The following GKAP1 variants were observed in gnomAD, a reference collection of about 807,000 sequenced individuals.
The protein encoded by GKAP1 is G kinase anchoring protein 1.
Under a neutral mutation model 56.7 loss-of-function variants are expected in GKAP1, and 31 were observed. The ratio of observed to expected loss-of-function variants is 0.55; its 90% CI spans 0.41 to 0.74. The LOEUF (loss-of-function observed/expected upper bound fraction) is 0.74. GKAP1 is among the 30% of genes least tolerant of loss of function. The pLI is 0.00. For synonymous variants in GKAP1, 151 were observed against 138.6 expected (o/e 1.09, Z -0.63); for missense variants, 364 against 402.3 (o/e 0.90, Z 0.82).
Position 83,770,736 on chromosome 9 carries a change from T to A in GKAP1, c.586-1766A>T, listed in dbSNP as rs141359251. Among the ~76,000 whole-genome samples the A allele has an allele frequency of 5.3e-4, 81 of 152,196 alleles. No individual in the cohort carries two copies. The East Asian group carries it at 0.015, about 28-fold the overall frequency. On this transcript the variant is annotated intron_variant, in intron 7 of 12. Transcript: ENST00000376371. Reference sequence around the variant, plus strand: ...GCCACCACGCCCAGGTAATTTAGTATTTTAGTAGAGACAGGGTTTCACCAT... The same window carrying A: ...GCCACCACGCCCAGGTAATTTAGTAATTTAGTAGAGACAGGGTTTCACCAT...
chr9:83,813,972 T>C lies in GKAP1; in HGVS notation c.-44+3024A>G, dbSNP rs375686068. Among the ~76,000 whole-genome samples, 305 of 152,208 alleles carry C rather than the reference T, an allele frequency of 2.0e-3. 1 individual carries two copies. Among genetic ancestry groups the C allele is most frequent in the Non-Finnish European group, 2.5e-3 (170 of 67,996 alleles). On this transcript the variant is annotated intron_variant, in intron 2 of 12. Coordinates refer to ENST00000376371, the MANE Select transcript of GKAP1 (RefSeq NM_025211.4). ...AACAGTTAGCAGGCATAGTGGTGCA[T>C]GACTGTGGTCCCAGCTACTTGGGAG...
chr9:83,760,680 A>G (rs1442355462), intron 8 of GKAP1, among the ~76,000 whole-genome samples: 1 of 152,188 alleles, frequency 6.6e-6, no homozygotes, highest in Admixed American at 6.5e-5. Flanking sequence ...TTCTGACCAC[A>G]ATGAAATAAA....
chr9:83,816,794 G>C (rs1049181336), intron 2 of GKAP1, among the ~76,000 whole-genome samples: 19 of 152,174 alleles, frequency 1.2e-4, no homozygotes, highest in African/African-American at 4.6e-4. Flanking sequence ...GAGTGAAAAA[G>C]AGGAGGAAGA....
intron 3 of GKAP1, among the ~76,000 whole-genome samples, chr9:83,801,790 A>G (rs1354139349): frequency 6.6e-6 from 1 of 152,226 alleles, no homozygotes; most frequent in Non-Finnish European, 1.5e-5. Context: ...TAATTCCTAA[A>G]AGAAAATAGT....
chr9:83,798,745 G>T (rs1423455860), intron 4 of GKAP1, among the ~76,000 whole-genome samples: 2 of 151,962 alleles, frequency 1.3e-5, no homozygotes, highest in Non-Finnish European at 2.9e-5. Flanking sequence ...CAAACTCCTA[G>T]GCTCAAGCCA....
At chr9:83,746,717 A>G (rs977124330) in intron 10 of GKAP1, among the ~76,000 whole-genome samples, 4 of 104,556 alleles carry the variant, frequency 3.8e-5, no homozygotes, top group East Asian at 5.9e-4. Context: ...ATAAATAAAT[A>G]ACAATTTAAA....
chr9:83,771,477 T>G (rs1261538733), intron 7 of GKAP1, among the ~76,000 whole-genome samples: 1 of 152,204 alleles, frequency 6.6e-6, no homozygotes, highest in African/African-American at 2.4e-5. Context: ...CACATTATCT[T>G]AGAAAGTAAA....
chr9:83,815,177 A>G (rs1465610666), intron 2 of GKAP1, among the ~76,000 whole-genome samples: 13 of 152,176 alleles, frequency 8.5e-5, no homozygotes, highest in Non-Finnish European at 4.4e-5. Flanking sequence ...TCTCAAAAAA[A>G]TGAAAAACTA....
chr9:83,758,162 C>T (rs563966357), intron 8 of GKAP1, among the ~76,000 whole-genome samples: 98 of 152,272 alleles, frequency 6.4e-4, no homozygotes, highest in African/African-American at 2.3e-3. Context: ...CCAAGAGCAA[C>T]ACAGAGGCTT....
chr9:83,761,583 T>C (rs570817702), intron 8 of GKAP1, among the ~76,000 whole-genome samples: 2 of 151,432 alleles, frequency 1.3e-5, no homozygotes, highest in South Asian at 4.2e-4. Context: ...ATTACCCTGA[T>C]ACCAAAACCG....
intron 7 of GKAP1, 110 bp downstream of exon 7, chr9:83,780,272 T>C (rs986872860): frequency 1.0e-5 from 7 of 668,368 alleles, no homozygotes; most frequent in Non-Finnish European, 1.3e-5. Context: ...GACAAACCTA[T>C]GGGTTGTCCT....
At chr9:83,773,578 A>T (rs1044088891) in intron 7 of GKAP1, among the ~76,000 whole-genome samples, 9 of 152,166 alleles carry the variant, frequency 5.9e-5, no homozygotes, top group Admixed American at 5.9e-4. Context: ...AAACTAGAAT[A>T]TTACCTACAG....
intron 10 of GKAP1, among the ~76,000 whole-genome samples, chr9:83,747,869 T>G (rs751816705): frequency 5.3e-5 from 8 of 152,184 alleles, no homozygotes; most frequent in Non-Finnish European, 1.2e-4. Context: ...ACTCCTGGCC[T>G]CAAGTGATCT....
At chr9:83,761,164 G>C (rs572260244) in intron 8 of GKAP1, among the ~76,000 whole-genome samples, 1 of 142,078 alleles carries the variant, frequency 7.0e-6, no homozygotes, top group South Asian at 2.4e-4. Flanking sequence ...ATCAAAAAAA[G>C]AAAAATTAAA....
intron 8 of GKAP1, among the ~76,000 whole-genome samples, chr9:83,755,112 T>C (rs992583556): frequency 2.0e-5 from 3 of 152,178 alleles, no homozygotes; most frequent in Non-Finnish European, 2.9e-5. Context: ...ATTAGAAATA[T>C]ACTACTATTA....
At chr9:83,809,148 T>C (rs181043537) in intron 2 of GKAP1, among the ~76,000 whole-genome samples, 90 of 152,368 alleles carry the variant, frequency 5.9e-4, no homozygotes, top group Non-Finnish European at 1.1e-3. Context: ...ATTTCATATA[T>C]GGATTATTTG....
At chr9:83,765,395 GA>G (rs1943644791) in intron 8 of GKAP1, among the ~76,000 whole-genome samples, 1 of 152,240 alleles carries the variant, frequency 6.6e-6, no homozygotes, top group South Asian at 2.1e-4. Context: ...GGGCAGTGTG[GA>G]AGGGAAATGT....
At chr9:83,755,799 CTTTTTTTTT>C (rs34145592) in intron 8 of GKAP1, among the ~76,000 whole-genome samples, 5 of 124,442 alleles carry the variant, frequency 4.0e-5, no homozygotes, top group Admixed American at 1.7e-4. Context: ...CAAACTGGTA[CTTTTTTTTT>C]TTTTTTTTTT....
chr9:83,744,080 T>C (rs746255511), intron 10 of GKAP1, among the ~76,000 whole-genome samples: 18 of 152,216 alleles, frequency 1.2e-4, no homozygotes, highest in Non-Finnish European at 2.1e-4. Flanking sequence ...TGAAACACCC[T>C]ATCAAGAATC....
Sources: gnomAD v4.1 joint callset for allele counts (sites outside exome capture counted in the v4.1 genomes callset) on GRCh38, gnomAD v4.1.1 for gene constraint, MANE v1.5 for transcripts, NCBI Gene and HGNC (gene_info 2026-07-23, HGNC 2026-07-21) for gene names.